PHKA2: variants seen among roughly 807,000 people sequenced by gnomAD.
PHKA2 encodes the protein phosphorylase kinase regulatory subunit alpha 2, also known as phosphorylase b kinase regulatory subunit alpha, liver isoform.
Under a neutral mutation model 102.0 loss-of-function variants are expected in PHKA2, and 31 were observed. That is an observed-to-expected ratio of 0.30 (90% confidence interval 0.23 to 0.41). PHKA2 has a LOEUF of 0.41. PHKA2 is among the 10% of genes least tolerant of loss of function. PHKA2 has a pLI of 1.00. For missense variants in PHKA2, 858 were observed against 1,023.1 expected (o/e 0.84, Z 2.20); for synonymous variants, 455 against 416.2 (o/e 1.09, Z -1.13).
chrX:18,955,735 A>G (rs1473513821), intron 1 of PHKA2, among the ~76,000 whole-genome samples: 1 of 112,483 alleles, frequency 8.9e-6, no homozygotes, highest in Non-Finnish European at 1.9e-5. Context: ...GTACTTTCAT[A>G]GTGATACTGC....
intron 17 of PHKA2, among the ~76,000 whole-genome samples, chrX:18,923,549 G>C (rs1444771026): frequency 8.9e-6 from 1 of 111,807 alleles, no homozygotes; most frequent in African/African-American, 3.3e-5. Flanking sequence ...AACCAGAAGG[G>C]GGCTCATTCC....
At chrX:18,949,927 C>T (rs1251244474) in intron 4 of PHKA2, among the ~76,000 whole-genome samples, 3 of 112,637 alleles carry the variant, frequency 2.7e-5, no homozygotes, top group Non-Finnish European at 5.6e-5. Context: ...GAGTTTCACA[C>T]TTGCAGTCTG....
At chrX:18,912,388 C>T (rs1247124487) in intron 19 of PHKA2, among the ~76,000 whole-genome samples, 1 of 111,854 alleles carries the variant, frequency 8.9e-6, no homozygotes, top group African/African-American at 3.3e-5. Flanking sequence ...GGCTACAAAC[C>T]TGTATCCATG....
rs757173270 is a variant in PHKA2, at chrX:18,925,743, C to T, written c.1494G>A (p.Pro498=). 9 of 1,189,815 alleles carry T rather than the reference C, an allele frequency of 7.6e-6. No individual in the cohort carries two copies. The highest frequency in any genetic ancestry group is 7.1e-5 in the South Asian group (4 of 56,349). The change falls in exon 15 of 33, where the codon CCG becomes CCA. Residue 498 remains proline, a synonymous_variant. Transcript: ENST00000379942. The part of the protein sequence containing the change: ...RNKNMNLSGR[P]YRHIGVLGTS... The stretch of plus-strand genomic sequence containing the variant: ...TTCCAAGGACACCAATATGTCGATA[C>T]GGTCGCCCACTCAAATTCATATTCT...
chrX:18,956,216 T>C (rs549869556), intron 1 of PHKA2, among the ~76,000 whole-genome samples: 1 of 111,109 alleles, frequency 9.0e-6, no homozygotes, highest in African/African-American at 3.3e-5. Context: ...CCCAGCTACT[T>C]GGGAGGCTGA....
intron 21 of PHKA2, among the ~76,000 whole-genome samples, chrX:18,908,455 G>T (rs1001163673): frequency 3.6e-5 from 4 of 112,521 alleles, no homozygotes; most frequent in Non-Finnish European, 7.5e-5. Context: ...GCTACGGCTT[G>T]AATGTCTGTT....
intron 29 of PHKA2, among the ~76,000 whole-genome samples, chrX:18,898,619 C>T (rs948561939): frequency 2.7e-5 from 3 of 112,594 alleles, no homozygotes; most frequent in Non-Finnish European, 3.8e-5. Flanking sequence ...AAAGGCAGTT[C>T]GGCTGGGTTA....
intron 29 of PHKA2, 68 bp from the exon 30 acceptor site, chrX:18,897,401 C>A: frequency 1.9e-6 from 2 of 1,065,394 alleles, no homozygotes; most frequent in Admixed American, 4.7e-5. Context: ...TGCGCCATCT[C>A]GAAGGGCGGC....
At chrX:18,904,472 T>C (rs1361164405) in intron 26 of PHKA2, among the ~76,000 whole-genome samples, 3 of 112,763 alleles carry the variant, frequency 2.7e-5, no homozygotes, top group Non-Finnish European at 5.6e-5. Flanking sequence ...ACTCAGTTCC[T>C]AGTTTCATAG....
intron 31 of PHKA2, 85 bp from the exon 32 acceptor site, chrX:18,894,489 T>A: frequency 1.2e-6 from 1 of 842,373 alleles, no homozygotes; most frequent in Non-Finnish European, 1.7e-6. Context: ...AGGGTGACCG[T>A]AGCAGTGCCT....
At chrX:18,939,292 C>T (rs949992090) in intron 9 of PHKA2, among the ~76,000 whole-genome samples, 1 of 111,346 alleles carries the variant, frequency 9.0e-6, no homozygotes, top group Non-Finnish European at 1.9e-5. Context: ...CCTACCACCT[C>T]AGCCTCCTGA....
chrX:18,976,627 A>G (rs1212935589), intron 1 of PHKA2, among the ~76,000 whole-genome samples: 1 of 111,590 alleles, frequency 9.0e-6, no homozygotes, highest in Non-Finnish European at 1.9e-5. Flanking sequence ...CAATTTTATT[A>G]TTATTGTTCT....
intron 12 of PHKA2, 83 bp from the exon 13 acceptor site, chrX:18,929,389 T>G: frequency 1.3e-5 from 9 of 671,985 alleles, no homozygotes; most frequent in Non-Finnish European, 2.1e-5. Flanking sequence ...ATGAAATATT[T>G]TGGGGCTCAA....
At chrX:18,927,887 T>C (rs1387388246) in intron 13 of PHKA2, among the ~76,000 whole-genome samples, 1 of 111,864 alleles carries the variant, frequency 8.9e-6, no homozygotes, top group African/African-American at 3.3e-5. Flanking sequence ...GTAACTCCTT[T>C]AGTGCAGTGG....
intron 29 of PHKA2, among the ~76,000 whole-genome samples, chrX:18,898,416 G>C (rs1377913758): frequency 8.8e-6 from 1 of 113,147 alleles, no homozygotes; most frequent in African/African-American, 3.2e-5. Flanking sequence ...TCCAGGTCGA[G>C]AAGGGATAAC....
At chrX:18,931,061 A>T (rs2048307117) in intron 12 of PHKA2, among the ~76,000 whole-genome samples, 1 of 111,987 alleles carries the variant, frequency 8.9e-6, no homozygotes, top group South Asian at 3.7e-4. Context: ...GCTCCAAAGT[A>T]TTTGCATATT....
intron 15 of PHKA2, 116 bp downstream of exon 15, chrX:18,925,552 C>T: frequency 1.8e-6 from 1 of 551,710 alleles, no homozygotes; most frequent in East Asian, 3.3e-5. Flanking sequence ...GGTATCATTT[C>T]ATATGTCTCT....
chrX:18,909,483 C>T (rs1378559419), intron 20 of PHKA2, among the ~76,000 whole-genome samples: 1 of 112,037 alleles, frequency 8.9e-6, no homozygotes, highest in Non-Finnish European at 1.9e-5. Flanking sequence ...GGGAGGGGTA[C>T]ACTCCTAGGG....
At position 18,910,911 on chromosome X, in the gene PHKA2, T is replaced by C. The variant is rs774504051; in HGVS notation, c.2187A>G (p.Ser729=). ...GCTGAGGAGAATCAACAAGATTCAG[T>C]GATTTACGGTGGGCACTTAGAACTT... ...PTKVLSAHRK[S]LNLVDSPQPL... The change falls in exon 20 of 33, where the codon TCA becomes TCG. Residue 729 remains serine, a synonymous_variant. Transcript: ENST00000379942. 3 of 1,194,829 alleles carry C rather than the reference T, an allele frequency of 2.5e-6. No individual in the cohort carries two copies. The South Asian group carries it at 5.3e-5, about 21-fold the overall frequency.
Sources: allele counts gnomAD v4.1 joint callset (sites outside exome capture counted in the v4.1 genomes callset), GRCh38; gene constraint gnomAD v4.1.1; transcripts MANE v1.5; gene names NCBI Gene and HGNC (gene_info 2026-07-23, HGNC 2026-07-21).